NRXN3: variants seen among roughly 807,000 people sequenced by gnomAD.
The protein encoded by NRXN3 is neurexin 3, also known as neurexin III.
NRXN3 carries 32 observed loss-of-function variants against 137.6 expected under a neutral mutation model. The ratio of observed to expected loss-of-function variants is 0.23; its 90% CI spans 0.18 to 0.31. The LOEUF is 0.31. NRXN3 is among the 10% of genes least tolerant of loss of function. The probability of loss-of-function intolerance (pLI) is 1.00; values close to 1 mark genes in which losing one functional copy is unlikely to be tolerated. For missense variants in NRXN3, 1,574 were observed against 2,062.5 expected, an observed-to-expected ratio of 0.76 and a Z score of 4.59; for synonymous variants, 798 against 784.5, an observed-to-expected ratio of 1.02 and a Z score of -0.29.
intron 15 of NRXN3, among the ~76,000 whole-genome samples, chr14:79,339,072 C>T (rs1262217119): frequency 1.3e-5 from 2 of 152,092 alleles, no homozygotes; most frequent in East Asian, 3.9e-4. Context: ...TCCCTCCCCA[C>T]CCACTGACCT....
chr14:78,667,988 G>A (rs1040500504), intron 6 of NRXN3, among the ~76,000 whole-genome samples: 1 of 152,164 alleles, frequency 6.6e-6, no homozygotes, highest in Admixed American at 6.5e-5. Context: ...ATTTCACCCT[G>A]TTGACCAGGC....
At chr14:79,737,193 T>C (rs985584832) in intron 19 of NRXN3, among the ~76,000 whole-genome samples, 5 of 152,216 alleles carry the variant, frequency 3.3e-5, no homozygotes, top group African/African-American at 7.2e-5. Context: ...ATTCCAGAGC[T>C]GGTGGGTCCC....
chr14:79,566,263 G>A (rs1315682704), intron 16 of NRXN3, among the ~76,000 whole-genome samples: 2 of 151,992 alleles, frequency 1.3e-5, no homozygotes, highest in African/African-American at 4.8e-5. Context: ...AACTCTCCTT[G>A]CTGCACTTCT....
chr14:78,347,305 G>A (rs1446557723), intron 4 of NRXN3, among the ~76,000 whole-genome samples: 1 of 152,172 alleles, frequency 6.6e-6, no homozygotes, highest in African/African-American at 2.4e-5. Flanking sequence ...CTGCTCGTGA[G>A]CAATAAATCT....
At chr14:79,780,833 A>G (rs1161916866) in intron 19 of NRXN3, among the ~76,000 whole-genome samples, 1 of 152,168 alleles carries the variant, frequency 6.6e-6, no homozygotes, top group African/African-American at 2.4e-5. Flanking sequence ...CTAGACTTCC[A>G]TTCAGGATCT....
chr14:78,382,730 G>A (rs546151823), intron 4 of NRXN3, among the ~76,000 whole-genome samples: 1 of 152,312 alleles, frequency 6.6e-6, no homozygotes, highest in East Asian at 1.9e-4. Flanking sequence ...GGGGAAGCTT[G>A]GCTCTGAACA....
At chr14:78,623,925 G>T (rs1410225219) in intron 4 of NRXN3, among the ~76,000 whole-genome samples, 1 of 152,208 alleles carries the variant, frequency 6.6e-6, no homozygotes, top group Admixed American at 6.5e-5. Flanking sequence ...CCATTCTGTA[G>T]TAGATACCAT....
At chr14:78,299,785 G>A (rs567568786) in intron 4 of NRXN3, among the ~76,000 whole-genome samples, 7 of 152,240 alleles carry the variant, frequency 4.6e-5, no homozygotes, top group Admixed American at 6.5e-5. Context: ...ACCATGCTCC[G>A]GGGGAATAAG....
chr14:79,248,176 C>G (rs2075453530), intron 15 of NRXN3, among the ~76,000 whole-genome samples: 1 of 152,188 alleles, frequency 6.6e-6, no homozygotes. Flanking sequence ...TTAAAACCCT[C>G]CAGACAGCCC....
intron 3 of NRXN3, among the ~76,000 whole-genome samples, chr14:78,289,635 G>A (rs552861629): frequency 7.9e-5 from 12 of 152,100 alleles, no homozygotes; most frequent in African/African-American, 2.7e-4. Flanking sequence ...CTCGATGGGG[G>A]CCAGGCGTGG....
intron 4 of NRXN3, among the ~76,000 whole-genome samples, chr14:78,485,357 T>C (rs1211191855): frequency 6.6e-6 from 1 of 152,168 alleles, no homozygotes; most frequent in Non-Finnish European, 1.5e-5. Flanking sequence ...GTGCTGCTGG[T>C]AAGTTATCTA....
chr14:79,700,241 T>C (rs533325064), intron 19 of NRXN3, among the ~76,000 whole-genome samples: 1 of 152,114 alleles, frequency 6.6e-6, no homozygotes, highest in African/African-American at 2.4e-5. Context: ...AGCATTAATA[T>C]GCCTATGTGA....
At chr14:78,837,792 C>T (rs916304373) in intron 10 of NRXN3, among the ~76,000 whole-genome samples, 9 of 152,090 alleles carry the variant, frequency 5.9e-5, no homozygotes, top group Non-Finnish European at 1.2e-4. Context: ...GCCACCTTTG[C>T]GTGTTGTTAT....
chr14:78,789,143 C>A (rs2098797935), intron 8 of NRXN3, among the ~76,000 whole-genome samples: 2 of 152,164 alleles, frequency 1.3e-5, no homozygotes. Flanking sequence ...TAGTCTTTCA[C>A]TACACCACTT....
intron 15 of NRXN3, among the ~76,000 whole-genome samples, chr14:79,395,979 CAT>C (rs1014636975): frequency 1.3e-5 from 2 of 152,002 alleles, no homozygotes; most frequent in East Asian, 3.9e-4. Flanking sequence ...CATTTACACA[CAT>C]ATATGTACAA....
chr14:78,319,525 G>A (rs1222862712), intron 4 of NRXN3, among the ~76,000 whole-genome samples: 2 of 152,190 alleles, frequency 1.3e-5, no homozygotes, highest in African/African-American at 2.4e-5. Flanking sequence ...TAAGTTGCTT[G>A]TAATTATCAA....
chr14:79,222,520 T>C (rs959877155), intron 15 of NRXN3, among the ~76,000 whole-genome samples: 1 of 151,184 alleles, frequency 6.6e-6, no homozygotes, highest in Non-Finnish European at 1.5e-5. Context: ...TATAAGTTTT[T>C]AGCTCCTTTG....
intron 10 of NRXN3, among the ~76,000 whole-genome samples, chr14:78,834,747 A>G (rs1234884944): frequency 3.9e-5 from 6 of 152,178 alleles, no homozygotes. Context: ...AATTGTGCAG[A>G]TACTGCTGCG....
intron 19 of NRXN3, among the ~76,000 whole-genome samples, chr14:79,751,524 C>T (rs2154090139): frequency 6.6e-6 from 1 of 151,482 alleles, no homozygotes; most frequent in East Asian, 2.0e-4. Flanking sequence ...CAAACAGGGA[C>T]AATTTGACTT....
Sources: allele counts gnomAD v4.1 joint callset (sites outside exome capture counted in the v4.1 genomes callset), GRCh38; gene constraint gnomAD v4.1.1; transcripts MANE v1.5; gene names NCBI Gene and HGNC (gene_info 2026-07-23, HGNC 2026-07-21).